The following TSNARE1 variants were observed in gnomAD, a reference collection of about 807,000 sequenced individuals.
TSNARE1 encodes the protein t-SNARE domain containing 1.
A neutral mutation model predicts 62.0 loss-of-function variants in TSNARE1; 49 were observed. The ratio of observed to expected loss-of-function variants is 0.79; its 90% CI spans 0.63 to 1.00. The LOEUF is 1.00. Among genes scored for constraint, TSNARE1 ranks in the 50% least tolerant of loss-of-function variants. TSNARE1 has a pLI of 0.00. For synonymous variants in TSNARE1, 328 were observed against 294.4 expected, an observed-to-expected ratio of 1.11 and a Z score of -1.17; for missense variants, 755 against 700.1, an observed-to-expected ratio of 1.08 and a Z score of -0.88.
intron 11 of TSNARE1, among the ~76,000 whole-genome samples, chr8:142,279,384 G>C (rs767580045): frequency 2.0e-5 from 3 of 152,176 alleles, no homozygotes; most frequent in Non-Finnish European, 4.4e-5. Context: ...GGGCACCCTG[G>C]GCTGCACCCG....
intron 11 of TSNARE1, chr8:142,278,282 C>T (rs1191540729): frequency 2.0e-6 from 2 of 985,348 alleles, no homozygotes; most frequent in African/African-American, 1.7e-5. Flanking sequence ...CCTCATGCAC[C>T]GCTGTGAGCA....
intron 12 of TSNARE1, among the ~76,000 whole-genome samples, chr8:142,251,535 G>A (rs574725762): frequency 2.0e-5 from 3 of 152,258 alleles, no homozygotes; most frequent in African/African-American, 4.8e-5. Context: ...CTGTCCGTCC[G>A]AGCAGCACTG....
rs2131732405 is a variant in TSNARE1 at position 142,319,579 on chromosome 8, G to T, written c.894-945C>A. Among the ~76,000 whole-genome samples, 1 of 152,226 alleles carries T rather than the reference G, an allele frequency of 6.6e-6. No individual in the cohort carries two copies. The highest frequency in any genetic ancestry group is 6.5e-5 in the Admixed American group (1 of 15,302). Reference sequence around the variant, plus strand: ...GGAGGACCCTGGCCTGCTGGAAACTGGGGAGCCTCAGTGACCCTTTCAAGT... The same window carrying T: ...GGAGGACCCTGGCCTGCTGGAAACTTGGGAGCCTCAGTGACCCTTTCAAGT... On this transcript the variant is annotated intron_variant, in intron 6 of 13. Transcript: ENST00000524325. The surrounding 1 kb of genome is among the most constrained non-coding windows in gnomAD (Gnocchi z 4.9).
intron 13 of TSNARE1, among the ~76,000 whole-genome samples, chr8:142,222,960 T>TCATCCACTCATC (rs1554624254): frequency 7.3e-5 from 10 of 136,184 alleles, no homozygotes; most frequent in Admixed American, 2.2e-4. Context: ...ATCCACTCAC[T>TCATCCACTCATC]CACTCATTCA....
chr8:142,286,891 C>T lies in TSNARE1; in HGVS notation c.1291-2406G>A, dbSNP rs188316457. 9.2e-5 allele frequency among the ~76,000 whole-genome samples: 14 copies of T among 152,348 alleles called. No homozygotes were observed. In the East Asian group the frequency reaches 2.5e-3, roughly 27 times the overall value. ...TCATGGCCTCAGGGACTTGCAGGGG[C>T]CTTCCCAAGGGCTTCACAGGCAGAA... On this transcript the variant is annotated intron_variant, in intron 10 of 13. Coordinates refer to ENST00000524325, the MANE Select transcript of TSNARE1 (RefSeq NM_145003.5).
chr8:142,277,415 G>C, intron 11 of TSNARE1: 1 of 985,352 alleles, frequency 1.0e-6, no homozygotes, highest in Non-Finnish European at 1.2e-6. Context: ...GGGTCAACTC[G>C]CTGCCCCCAG....
At chr8:142,218,036 A>T (rs1235224188) in intron 13 of TSNARE1, among the ~76,000 whole-genome samples, 1 of 71,238 alleles carries the variant, frequency 1.4e-5, no homozygotes, top group South Asian at 3.9e-4. Context: ...AGGGCCCAGT[A>T]TGTGACCAGG....
intron 12 of TSNARE1, among the ~76,000 whole-genome samples, chr8:142,250,296 G>A (rs1373805275): frequency 6.6e-6 from 1 of 152,154 alleles, no homozygotes; most frequent in African/African-American, 2.4e-5. Context: ...TCTTCACCAG[G>A]CTAAAAATGG....
chr8:142,310,728 T>C (rs1481472220), intron 9 of TSNARE1, among the ~76,000 whole-genome samples: 1 of 152,244 alleles, frequency 6.6e-6, no homozygotes, highest in Admixed American at 6.5e-5. Flanking sequence ...ATGTGACTTT[T>C]TTCTCTGACT....
chr8:142,303,066 A>G (rs1326014854), intron 9 of TSNARE1, among the ~76,000 whole-genome samples: 1 of 152,150 alleles, frequency 6.6e-6, no homozygotes, highest in Non-Finnish European at 1.5e-5. Context: ...GCTGCAGGGC[A>G]GCCTGGCTCA....
chr8:142,359,115 T>G (rs143170170), intron 1 of TSNARE1, among the ~76,000 whole-genome samples: 6 of 152,096 alleles, frequency 3.9e-5, no homozygotes, highest in African/African-American at 1.4e-4. Context: ...GCTTCCCCCA[T>G]GCTGCCCCTG....
chr8:142,309,390 G>C (rs973073401), intron 9 of TSNARE1, among the ~76,000 whole-genome samples: 5 of 152,162 alleles, frequency 3.3e-5, no homozygotes, highest in African/African-American at 1.2e-4. Flanking sequence ...GTTAACTGTA[G>C]GGTTTTTGAA....
At chr8:142,229,422 A>G (rs1279627984) in intron 13 of TSNARE1, 51 bp downstream of exon 13, 9 of 1,396,240 alleles carry the variant, frequency 6.4e-6, no homozygotes, top group Non-Finnish European at 9.2e-6. Flanking sequence ...GAATGAATGG[A>G]TGGTGGATGT....
chr8:142,318,269 G>A (rs1391920851), intron 7 of TSNARE1, among the ~76,000 whole-genome samples: 1 of 152,172 alleles, frequency 6.6e-6, no homozygotes, highest in Non-Finnish European at 1.5e-5. Context: ...AAGACCCAGG[G>A]TGCTCTTGTC....
At chr8:142,251,558 C>T (rs1370641801) in intron 12 of TSNARE1, among the ~76,000 whole-genome samples, 1 of 152,182 alleles carries the variant, frequency 6.6e-6, no homozygotes, top group African/African-American at 2.4e-5. Flanking sequence ...CTGGCACCCT[C>T]TGTATTCTGA....
chr8:142,381,917 C>T (rs1836781415), intron 1 of TSNARE1, among the ~76,000 whole-genome samples: 1 of 152,208 alleles, frequency 6.6e-6, no homozygotes, highest in Non-Finnish European at 1.5e-5. Flanking sequence ...ACAGCCACGG[C>T]TCATGCCCGC....
At chr8:142,296,638 G>C (rs775524208) in intron 10 of TSNARE1, among the ~76,000 whole-genome samples, 12 of 152,000 alleles carry the variant, frequency 7.9e-5, no homozygotes, top group Non-Finnish European at 1.8e-4. Flanking sequence ...ACCAACCAGA[G>C]ACTCCCCGTG....
At chr8:142,281,571 G>T (rs1376572797) in intron 11 of TSNARE1, among the ~76,000 whole-genome samples, 1 of 151,956 alleles carries the variant, frequency 6.6e-6, no homozygotes. Context: ...AGCAGAGGAG[G>T]CCACAGCGCA....
chr8:142,265,123 T>TG (rs1586898510), intron 12 of TSNARE1, among the ~76,000 whole-genome samples: 18 of 89,160 alleles, frequency 2.0e-4, no homozygotes, highest in Non-Finnish European at 2.8e-4. Context: ...TTCTACTCAG[T>TG]TTGTGTGTGT....
Sources: allele counts gnomAD v4.1 joint callset (sites outside exome capture counted in the v4.1 genomes callset), GRCh38; gene constraint gnomAD v4.1.1; non-coding constraint Gnocchi (gnomAD v3.1); transcripts MANE v1.5; gene names NCBI Gene and HGNC (gene_info 2026-07-23, HGNC 2026-07-21).